The following GALNT13 variants were observed in gnomAD, a reference collection of about 807,000 sequenced individuals.
The protein encoded by GALNT13 is polypeptide N-acetylgalactosaminyltransferase 13.
Under a neutral mutation model 64.2 loss-of-function variants are expected in GALNT13, and 28 were observed. The observed-to-expected ratio is 0.44, with a 90% CI of 0.32 to 0.60. The LOEUF is 0.60. Ranked by LOEUF, GALNT13 falls within the 20% of genes least tolerant of loss-of-function variation. The pLI is 0.05. For synonymous variants in GALNT13, 214 were observed against 224.6 expected (o/e 0.95, Z 0.42); for missense variants, 577 against 669.8 (o/e 0.86, Z 1.53).
chr2:154,053,257 G>A (rs139148727), intron 3 of GALNT13, among the ~76,000 whole-genome samples: 25 of 152,224 alleles, frequency 1.6e-4, no homozygotes, highest in African/African-American at 6.0e-4. Context: ...GAGTAAATTT[G>A]ACATCAAAAT....
At chr2:153,544,861 G>A in the GALNT13 span, among the ~76,000 whole-genome samples, 26 of 152,190 alleles carry the variant, frequency 1.7e-4, no homozygotes, top group African/African-American at 6.3e-4. Context: ...AACAAAATCG[G>A]TTATAATCAT....
At chr2:153,376,756 T>A in the GALNT13 span, among the ~76,000 whole-genome samples, 3 of 152,314 alleles carry the variant, frequency 2.0e-5, no homozygotes, top group Middle Eastern at 3.4e-3. Context: ...GTAATTTACT[T>A]AATATATCTA....
the GALNT13 span, among the ~76,000 whole-genome samples, chr2:153,249,040 C>T: frequency 6.6e-6 from 1 of 152,016 alleles, no homozygotes. Flanking sequence ...GGCAATCAGA[C>T]AAGAGAAAGA....
At chr2:153,504,433 G>A in the GALNT13 span, among the ~76,000 whole-genome samples, 3 of 152,102 alleles carry the variant, frequency 2.0e-5, no homozygotes, top group Admixed American at 2.0e-4. Context: ...GAATAGAAGC[G>A]GTGAAAGTGG....
chr2:153,997,765 G>A (rs1212604786), intron 3 of GALNT13, among the ~76,000 whole-genome samples: 1 of 152,008 alleles, frequency 6.6e-6, no homozygotes, highest in Non-Finnish European at 1.5e-5. Context: ...TCTACATTAG[G>A]TGCTTCTCCT....
the GALNT13 span, among the ~76,000 whole-genome samples, chr2:153,826,307 T>C: frequency 1.5e-4 from 23 of 152,300 alleles, no homozygotes; most frequent in South Asian, 4.4e-3. Context: ...TAAGCCATTA[T>C]TAAGCCAGTA....
chr2:153,633,519 A>T, the GALNT13 span, among the ~76,000 whole-genome samples: 6 of 152,160 alleles, frequency 3.9e-5, no homozygotes, highest in Non-Finnish European at 8.8e-5. Context: ...ATTTACAGAC[A>T]TTTTGAAGCC....
intron 8 of GALNT13, among the ~76,000 whole-genome samples, chr2:154,278,242 T>A (rs1043946513): frequency 6.6e-6 from 1 of 152,196 alleles, no homozygotes; most frequent in African/African-American, 2.4e-5. Flanking sequence ...TTAAGCGTAC[T>A]GTGTCCCACA....
the GALNT13 span, among the ~76,000 whole-genome samples, chr2:153,656,204 G>A: frequency 6.6e-6 from 1 of 151,978 alleles, no homozygotes; most frequent in South Asian, 2.1e-4. Context: ...AGATAATGAG[G>A]AATAAAGTGA....
the GALNT13 span, among the ~76,000 whole-genome samples, chr2:153,259,937 T>A: frequency 6.6e-6 from 1 of 152,204 alleles, no homozygotes; most frequent in African/African-American, 2.4e-5. Context: ...GATGGCATGC[T>A]TTAAATTCTT....
chr2:154,272,232 A>G (rs1166750607), intron 8 of GALNT13, among the ~76,000 whole-genome samples: 1 of 152,014 alleles, frequency 6.6e-6, no homozygotes, highest in African/African-American at 2.4e-5. Flanking sequence ...CACAAGAAAA[A>G]TAAACAATTA....
At chr2:153,095,500 C>A in the GALNT13 span, among the ~76,000 whole-genome samples, 1 of 152,164 alleles carries the variant, frequency 6.6e-6, no homozygotes, top group Non-Finnish European at 1.5e-5. Flanking sequence ...GGATCTAGGA[C>A]TAGAAATACC....
chr2:154,185,485 A>G (rs968044792), intron 4 of GALNT13, among the ~76,000 whole-genome samples: 1 of 151,880 alleles, frequency 6.6e-6, no homozygotes, highest in African/African-American at 2.4e-5. Context: ...CATAGTATAC[A>G]TATTAATTCA....
chr2:153,777,120 A>G, the GALNT13 span, among the ~76,000 whole-genome samples: 1 of 150,010 alleles, frequency 6.7e-6, no homozygotes, highest in East Asian at 1.9e-4. Context: ...GAAAAGACAT[A>G]GCTATAATAT....
chr2:154,148,664 C>G (rs1411095195), intron 4 of GALNT13, among the ~76,000 whole-genome samples: 2 of 152,178 alleles, frequency 1.3e-5, no homozygotes, highest in African/African-American at 4.8e-5. Context: ...ATTTGCATTT[C>G]TCTGATAGCC....
At position 154,242,078 on chromosome 2, in the gene GALNT13, C is replaced by T; in HGVS notation, c.360C>T (p.Val120=). Residue 120 remains valine (V), a synonymous_variant, in exon 5 of 13, where the codon GTC becomes GTT. Coordinates refer to ENST00000392825, the MANE Select transcript of GALNT13 (RefSeq NM_052917.4). ...ATGAACTTCCAAACACAAGTGTAGT[C>T]ATTGTGTTTCATAATGAAGCTTGGA... ...YPDELPNTSV[V]IVFHNEAWST... 1.2e-6 allele frequency: 2 copies of T among 1,609,172 alleles called. No homozygotes were observed. The highest frequency in any genetic ancestry group is 1.7e-6 in the Non-Finnish European group (2 of 1,176,144).
the GALNT13 span, among the ~76,000 whole-genome samples, chr2:153,442,473 A>G: frequency 2.7e-3 from 413 of 152,254 alleles, 19 homozygotes; most frequent in East Asian, 0.073. Flanking sequence ...AATGAGTTAG[A>G]GAGGAGTCCC....
chr2:154,266,052 T>C (rs1351876234), intron 8 of GALNT13, among the ~76,000 whole-genome samples: 1 of 151,920 alleles, frequency 6.6e-6, no homozygotes, highest in Non-Finnish European at 1.5e-5. Context: ...TATAACAAAC[T>C]CAGTCTACTC....
chr2:153,692,349 T>C, the GALNT13 span, among the ~76,000 whole-genome samples: 1 of 152,158 alleles, frequency 6.6e-6, no homozygotes, highest in East Asian at 1.9e-4. Flanking sequence ...ATTCCAATTA[T>C]GTATAATTTA....
Sources: allele counts gnomAD v4.1 joint callset (sites outside exome capture counted in the v4.1 genomes callset), GRCh38; gene constraint gnomAD v4.1.1; transcripts MANE v1.5; gene names NCBI Gene and HGNC (gene_info 2026-07-23, HGNC 2026-07-21).